ZNF578: variants seen among roughly 807,000 people sequenced by gnomAD.
ZNF578 encodes zinc finger protein 578, also known as Putative chemokine-related protein B42.
In ZNF578, 8 loss-of-function variants were observed where a neutral mutation model predicts 8.3. The observed-to-expected ratio is 0.96, with a 90% CI of 0.56 to 1.74. ZNF578 has a LOEUF of 1.74. ZNF578 is among the 40% of genes most tolerant of loss of function. ZNF578 has a pLI of 0.00. For synonymous variants in ZNF578, 206 were observed against 232.2 expected, an observed-to-expected ratio of 0.89 and a Z score of 1.03; for missense variants, 726 against 707.5, an observed-to-expected ratio of 1.03 and a Z score of -0.30.
chr19:52,478,862 G>C (rs1003758064), intron 2 of ZNF578, among the ~76,000 whole-genome samples: 5 of 151,702 alleles, frequency 3.3e-5, no homozygotes, highest in African/African-American at 1.2e-4. Flanking sequence ...TACAGGTGCC[G>C]GCCACCAGTC....
chr19:52,493,445 C>T (rs1016313899), intron 3 of ZNF578, among the ~76,000 whole-genome samples: 8 of 152,184 alleles, frequency 5.3e-5, no homozygotes, highest in South Asian at 2.1e-4. Context: ...AGTTCCACCC[C>T]CCGGAAAATG....
chr19:52,463,465 T>G (rs1009106860), intron 2 of ZNF578, among the ~76,000 whole-genome samples: 2 of 152,122 alleles, frequency 1.3e-5, no homozygotes, highest in African/African-American at 4.8e-5. Flanking sequence ...TAAGTCAAAA[T>G]TTGGGGCATC....
At chr19:52,504,879 G>C in intron 5 of ZNF578, 98 bp downstream of exon 5, 1 of 1,534,218 alleles carries the variant, frequency 6.5e-7, no homozygotes, top group South Asian at 1.2e-5. Context: ...CCCATACGTG[G>C]TTTTTTTGTT....
intron 5 of ZNF578, among the ~76,000 whole-genome samples, chr19:52,508,604 C>T (rs1488810458): frequency 6.6e-6 from 1 of 151,774 alleles, no homozygotes; most frequent in Admixed American, 6.6e-5. Context: ...TCAAGACCAA[C>T]TTAACCAACA....
At chr19:52,453,890 A>T (rs1218297299) in intron 1 of ZNF578, 1 of 152,020 alleles carries the variant, frequency 6.6e-6, no homozygotes, top group Non-Finnish European at 1.5e-5. Flanking sequence ...GCCCTCACCC[A>T]TGAGGTGTAT....
At chr19:52,476,497 CA>C (rs908894375) in intron 2 of ZNF578, among the ~76,000 whole-genome samples, 11 of 152,132 alleles carry the variant, frequency 7.2e-5, no homozygotes, top group African/African-American at 2.7e-4. Flanking sequence ...TCTGTTTTTC[CA>C]GTTTCTCATA....
chr19:52,503,416 G>A (rs986538689), intron 4 of ZNF578, among the ~76,000 whole-genome samples: 1 of 152,188 alleles, frequency 6.6e-6, no homozygotes, highest in African/African-American at 2.4e-5. Flanking sequence ...CGGGATCTCA[G>A]CTCACTGCAA....
At chr19:52,490,425 G>A (rs2059361449) in intron 2 of ZNF578, among the ~76,000 whole-genome samples, 1 of 152,116 alleles carries the variant, frequency 6.6e-6, no homozygotes, top group African/African-American at 2.4e-5. Context: ...GAATTGTTTA[G>A]AATTCTGCAG....
At position 52,516,448 on chromosome 19, in the gene ZNF578, G is replaced by A. The variant is rs894578832; in HGVS notation, c.*4294G>A. 6.6e-6 allele frequency among the ~76,000 whole-genome samples: 1 copy of A among 152,314 alleles called. No individual in the cohort carries two copies. Among genetic ancestry groups the A allele is most frequent in the South Asian group, 2.1e-4 (1 of 4,830 alleles). On this transcript the variant is annotated 3_prime_UTR_variant, in exon 6 of 6. Transcript: ENST00000421239. The stretch of plus-strand genomic sequence containing the variant: ...TTTATCCTCCATGGTGAGGAGGGCC[G>A]CAGGGGGGACTGTATTTGCTCAGGG...
chr19:52,496,524 T>G, intron 3 of ZNF578, among the ~76,000 whole-genome samples: 1 of 143,666 alleles, frequency 7.0e-6, no homozygotes, highest in Non-Finnish European at 1.5e-5. Context: ...AGAGACGGGG[T>G]GTCACCATGT....
At chr19:52,466,027 G>A (rs1488151474) in intron 2 of ZNF578, among the ~76,000 whole-genome samples, 3 of 152,204 alleles carry the variant, frequency 2.0e-5, no homozygotes, top group African/African-American at 7.2e-5. Flanking sequence ...TGGGGGCCAC[G>A]GGGCCAGATT....
chr19:52,510,489 T>C lies in ZNF578; in HGVS notation c.191-83T>C, dbSNP rs551277393. 1.3e-4 allele frequency: 183 copies of C among 1,390,864 alleles called. No individual in the cohort carries two copies. The African/African-American group carries it at 1.7e-3, about 13-fold the overall frequency. 86.2% of individuals were successfully genotyped at this position (1,390,864 alleles called of 1,614,324 possible). On this transcript the variant is annotated intron_variant, in intron 5 of 5. Coordinates refer to ENST00000421239, the MANE Select transcript of ZNF578 (RefSeq NM_001099694.2). ...GTTTGGGAAGTTTAAAATAAGTATT[T>C]TTTATTGTGTCATATTTACACACTT...
chr19:52,500,873 G>T (rs560529652), intron 3 of ZNF578, among the ~76,000 whole-genome samples: 15,584 of 118,112 alleles, frequency 0.13, 741 homozygotes, highest in African/African-American at 0.2. Context: ...ACTGTTTTGT[G>T]TGACTTTTTT....
At chr19:52,458,225 A>G (rs901556638) in intron 2 of ZNF578, 6 of 152,522 alleles carry the variant, frequency 3.9e-5, no homozygotes, top group Admixed American at 2.0e-4. Context: ...GAGATTCTTT[A>G]AACCATTCTA....
chr19:52,499,366 T>C (rs1184082775), intron 3 of ZNF578, among the ~76,000 whole-genome samples: 1 of 152,148 alleles, frequency 6.6e-6, no homozygotes, highest in Non-Finnish European at 1.5e-5. Context: ...CCTACACGAC[T>C]CCATGTCCCC....
intron 1 of ZNF578, chr19:52,454,039 C>T (rs2059231175): frequency 6.6e-6 from 1 of 152,228 alleles, no homozygotes. Context: ...CCACCCCCAA[C>T]CTTGTCCTCC....
At position 52,507,346 on chromosome 19, in the gene ZNF578, C is replaced by T. The variant is rs2059428929; in HGVS notation, c.190+2565C>T. Among the ~76,000 whole-genome samples, 3 of 152,116 alleles carry T rather than the reference C, an allele frequency of 2.0e-5. No individual in the cohort carries two copies. The South Asian group carries it at 6.2e-4, about 32-fold the overall frequency. On this transcript the variant is annotated intron_variant, in intron 5 of 5. Transcript: ENST00000421239. ...GATGGTGCAGTGAGCCATGATCACG[C>T]CACTGCACTCCAGCCTGTATGACAG... is the stretch of plus-strand genomic sequence containing the variant.
At chr19:52,487,598 A>G (rs1381604864) in intron 2 of ZNF578, among the ~76,000 whole-genome samples, 2 of 152,102 alleles carry the variant, frequency 1.3e-5, no homozygotes, top group Non-Finnish European at 2.9e-5. Flanking sequence ...GTGAAGTGGG[A>G]AAAAAGTCAC....
intron 2 of ZNF578, among the ~76,000 whole-genome samples, chr19:52,464,318 G>A (rs2059267737): frequency 6.6e-6 from 1 of 152,132 alleles, no homozygotes; most frequent in South Asian, 2.1e-4. Flanking sequence ...ATGGCCTCGG[G>A]TGTTAGTCCT....
Sources: gnomAD v4.1 joint callset for allele counts (sites outside exome capture counted in the v4.1 genomes callset) on GRCh38, gnomAD v4.1.1 for gene constraint, MANE v1.5 for transcripts, NCBI Gene and HGNC (gene_info 2026-07-23, HGNC 2026-07-21) for gene names.